Variants in TGS1 observed in about 807,000 individuals in gnomAD.
TGS1 encodes trimethylguanosine synthase.
TGS1 carries 69 observed loss-of-function variants against 92.2 expected under a neutral mutation model. That is an observed-to-expected ratio of 0.75 (90% CI 0.62 to 0.91). The LOEUF (loss-of-function observed/expected upper bound fraction) is 0.91, where lower values mean the gene tolerates loss of function less well. TGS1 is among the 40% of genes least tolerant of loss of function. The pLI, the probability that TGS1 is intolerant of heterozygous loss-of-function variation, is 0.00. For synonymous variants in TGS1, 345 were observed against 338.1 expected (o/e 1.02, Z -0.22); for missense variants, 1,062 against 1,001.2 (o/e 1.06, Z -0.82).
At chr8:55,810,799 A>G in intron 10 of TGS1, 82 bp from the exon 11 acceptor site, 1 of 1,151,226 alleles carries the variant, frequency 8.7e-7, no homozygotes, top group South Asian at 1.3e-5. Flanking sequence ...ACAGAAGATG[A>G]CAGACTATTC....
intron 12 of TGS1, among the ~76,000 whole-genome samples, chr8:55,814,583 G>A (rs182589338): frequency 1.0e-3 from 153 of 150,042 alleles, no homozygotes; most frequent in African/African-American, 3.6e-3. Flanking sequence ...CAGCACTTTG[G>A]GAGGCCAAGG....
rs111467069 is a variant in TGS1 at position 55,785,728 on chromosome 8, C to A, written c.176C>A (p.Ala59Glu). ...TAAATGGTGTCTATAGGAGACCAGG[C>A]GACAGAAGAAGAGGAAGGTGGTTAT... ...RDSGNNSGDQ[A>E]TEEEEGGYSC... The change falls in exon 3 of 13, where the codon GCG becomes GAG. Residue 59 changes from alanine (A) to glutamate (E), a missense_variant. By Grantham distance (107) the Ala-to-Glu change is moderately radical. Transcript: ENST00000260129. The A allele has an allele frequency of 1.8e-5, 29 of 1,603,994 alleles. No homozygotes were observed. The highest frequency in any genetic ancestry group is 2.5e-5 in the Non-Finnish European group (29 of 1,175,960).
At chr8:55,804,204 G>C (rs1812298172) in intron 9 of TGS1, among the ~76,000 whole-genome samples, 2 of 152,140 alleles carry the variant, frequency 1.3e-5, no homozygotes, top group South Asian at 4.1e-4. Context: ...ACTTTGGGAG[G>C]CTGAGGCAGG....
At chr8:55,784,656 G>C (rs1486954306) in intron 2 of TGS1, among the ~76,000 whole-genome samples, 1 of 152,184 alleles carries the variant, frequency 6.6e-6, no homozygotes, top group Non-Finnish European at 1.5e-5. Flanking sequence ...TGTTAAATCA[G>C]CTCTTCCACA....
chr8:55,812,582 GA>G (rs1030135224), intron 11 of TGS1, among the ~76,000 whole-genome samples: 6 of 151,898 alleles, frequency 4.0e-5, no homozygotes, highest in Admixed American at 1.3e-4. Flanking sequence ...AGGTACTCGG[GA>G]GGCTGAGGCA....
Position 55,799,260 on chromosome 8 carries a change from T to TA in TGS1, c.1849+44dup, listed in dbSNP as rs563167165. 1.4e-5 allele frequency: 21 copies of TA among 1,533,492 alleles called. No individual in the cohort carries two copies. In the East Asian group the frequency reaches 1.6e-4, roughly 12 times the overall value. The allele number at this position is 1,533,492 out of a possible 1,614,324, so 95.0% of individuals were successfully genotyped here. A position where few individuals can be genotyped will look rare whatever the true frequency, so the allele number is the denominator to read the frequency against. The stretch of plus-strand genomic sequence containing the variant: ...GCTTCAACTTGCTAATGGATTTAGA[T>TA]AAAATTTTTTTTGTTAATATGTTTT... On this transcript the variant is annotated intron_variant, in intron 8 of 12. Coordinates refer to ENST00000260129, the MANE Select transcript of TGS1 (RefSeq NM_024831.8).
chr8:55,820,121 GTCTT>G (rs1803592663), intron 12 of TGS1, among the ~76,000 whole-genome samples: 1 of 152,234 alleles, frequency 6.6e-6, no homozygotes, highest in East Asian at 1.9e-4. Flanking sequence ...ATGTTTCTGT[GTCTT>G]TCTTGTAATA....
chr8:55,811,080 A>G lies in TGS1; in HGVS notation c.2343A>G (p.Thr781=), dbSNP rs980412457. ...YATAETFDIR[T]MMSPDGFEIF... ...CTGCAGAGACCTTTGACATTAGAAC[A>G]ATGATGTCTCCTGATGGATATCCTT... The change falls in exon 11 of 13, where the codon ACA becomes ACG. Residue 781 remains threonine, a synonymous_variant. Coordinates refer to ENST00000260129, the MANE Select transcript of TGS1 (RefSeq NM_024831.8). 2 of 1,596,752 alleles carry G rather than the reference A, an allele frequency of 1.3e-6. No individual in the cohort carries two copies. The highest frequency in any genetic ancestry group is 1.7e-6 in the Non-Finnish European group (2 of 1,168,904).
chr8:55,773,529 G>A lies in TGS1; in HGVS notation c.-90G>A. 2.1e-6 allele frequency: 2 copies of A among 936,930 alleles called. No individual in the cohort carries two copies. The highest frequency in any genetic ancestry group is 2.7e-5 in the East Asian group (1 of 36,820). 58.0% of individuals were successfully genotyped at this position (936,930 alleles called of 1,614,324 possible). On this transcript the variant is annotated 5_prime_UTR_variant, in exon 1 of 13. Transcript: ENST00000260129. Reference sequence around the variant, plus strand: ...ATCTCCTCATCCAGGGCTTGCGGGCGAGGCCTGTTTTAAGTCTCCAGTAAC... The same window carrying A: ...ATCTCCTCATCCAGGGCTTGCGGGCAAGGCCTGTTTTAAGTCTCCAGTAAC...
chr8:55,796,515 C>T (rs1475594180), intron 7 of TGS1, among the ~76,000 whole-genome samples: 2 of 151,510 alleles, frequency 1.3e-5, no homozygotes, highest in African/African-American at 4.9e-5. Flanking sequence ...CATGGAAAAC[C>T]CTGTCTCTAC....
intron 11 of TGS1, among the ~76,000 whole-genome samples, chr8:55,811,544 G>A (rs982386534): frequency 2.6e-5 from 4 of 151,484 alleles, no homozygotes; most frequent in Non-Finnish European, 4.4e-5. Context: ...GGTGGATCAC[G>A]AGGTCAGGAG....
At chr8:55,820,696 C>A (rs1340148864) in intron 12 of TGS1, among the ~76,000 whole-genome samples, 1 of 152,190 alleles carries the variant, frequency 6.6e-6, no homozygotes, top group Non-Finnish European at 1.5e-5. Context: ...CAAATCTAGT[C>A]AAGAGTTCAG....
chr8:55,800,048 T>C (rs1049600297), intron 8 of TGS1, among the ~76,000 whole-genome samples: 2 of 152,248 alleles, frequency 1.3e-5, no homozygotes, highest in Admixed American at 6.5e-5. Context: ...GCAAAAGTTC[T>C]TATATAGTTT....
intron 7 of TGS1, among the ~76,000 whole-genome samples, chr8:55,797,051 G>C (rs549653824): frequency 1.3e-5 from 2 of 152,170 alleles, no homozygotes; most frequent in Admixed American, 1.3e-4. Context: ...TTTCTCATCT[G>C]TTTTAGGCTA....
chr8:55,810,069 T>G (rs1487459481), intron 10 of TGS1, among the ~76,000 whole-genome samples: 1 of 152,222 alleles, frequency 6.6e-6, no homozygotes, highest in Non-Finnish European at 1.5e-5. Context: ...GCACATTATT[T>G]CTCAAAAATG....
chr8:55,802,429 C>T, intron 8 of TGS1, 28 bp from the exon 9 acceptor site: 2 of 1,584,518 alleles, frequency 1.3e-6, no homozygotes, highest in Non-Finnish European at 1.7e-6. Context: ...TCTTAGTGAG[C>T]ATCTATATTC....
At position 55,796,121 on chromosome 8, in the gene TGS1, C is replaced by G. The variant is rs1415199798; in HGVS notation, c.1511C>G (p.Pro504Arg). The part of the protein sequence containing the change: ...HIFFTKESEK[P>R]FFKKSKILSK... ...TTCTTTACCAAAGAGTCAGAAAAAC[C>G]ATTTTTCAAGAAAAGCAAAATTCTG... Residue 504 changes from proline to arginine, a missense_variant, in exon 7 of 13, where the codon CCA becomes CGA. Coordinates refer to ENST00000260129, the MANE Select transcript of TGS1 (RefSeq NM_024831.8). 19 of 1,611,552 alleles carry G rather than the reference C, an allele frequency of 1.2e-5. No homozygotes were observed. Among genetic ancestry groups the G allele is most frequent in the Admixed American group, 1.7e-5 (1 of 59,596 alleles).
rs1368634811 is a variant in TGS1 at position 55,824,828 on chromosome 8, A to C, written c.*125A>C. ...GGTCTTATATCACCGTATGAAATGG[A>C]AACTTACAGGACTTAAATATCAGTG... is the stretch of plus-strand genomic sequence containing the variant. On this transcript the variant is annotated 3_prime_UTR_variant, in exon 13 of 13. Coordinates refer to ENST00000260129, the MANE Select transcript of TGS1 (RefSeq NM_024831.8). 1.9e-5 allele frequency: 21 copies of C among 1,088,588 alleles called. No individual in the cohort carries two copies. The highest frequency in any genetic ancestry group is 2.7e-5 in the Admixed American group (1 of 37,698). The allele number at this position is 1,088,588 out of a possible 1,614,324, so 67.4% of individuals were successfully genotyped here.
intron 2 of TGS1, 37 bp downstream of exon 2, chr8:55,782,849 G>T: frequency 7.3e-7 from 1 of 1,365,280 alleles, no homozygotes; most frequent in South Asian, 1.3e-5. Context: ...CTTTTTTGCT[G>T]AAATTAGCCA....
Sources: gnomAD v4.1 joint callset for allele counts (sites outside exome capture counted in the v4.1 genomes callset) on GRCh38, gnomAD v4.1.1 for gene constraint, MANE v1.5 for transcripts, NCBI Gene and HGNC (gene_info 2026-07-23, HGNC 2026-07-21) for gene names.